The following GRM7 variants were observed in gnomAD, a reference collection of about 807,000 sequenced individuals.
GRM7 encodes the protein metabotropic glutamate receptor 7.
In GRM7, 35 loss-of-function variants were observed where a neutral mutation model predicts 84.5. The observed-to-expected ratio is 0.41, with a 90% CI of 0.32 to 0.55. The LOEUF (loss-of-function observed/expected upper bound fraction) is 0.55. Ranked by LOEUF, GRM7 falls within the 20% of genes least tolerant of loss-of-function variation. GRM7 has a pLI of 0.19. For missense variants in GRM7, 1,003 were observed against 1,194.6 expected, an observed-to-expected ratio of 0.84 and a Z score of 2.36; for synonymous variants, 487 against 455.1, an observed-to-expected ratio of 1.07 and a Z score of -0.89.
rs1553635845 is a variant in GRM7, at chr3:7,677,281, A to AAC, written c.2452-2767_2452-2766insCA. ...TGTCTTTAAAAAAAAAAAAAAAAAA[A>AAC]AAAAAAAAAAAAACTTACATATTAC... is the stretch of plus-strand genomic sequence containing the variant. On this transcript the variant is annotated intron_variant, in intron 8 of 9. Transcript: ENST00000357716. 9.1e-3 allele frequency among the ~76,000 whole-genome samples: 1,373 copies of AAC among 150,592 alleles called. 27 individuals are homozygous for AAC. Among genetic ancestry groups the AAC allele is most frequent in the African/African-American group, 0.031 (1,262 of 40,534 alleles).
intron 1 of GRM7, among the ~76,000 whole-genome samples, chr3:6,984,795 G>A (rs1694345467): frequency 6.6e-6 from 1 of 152,180 alleles, no homozygotes; most frequent in Non-Finnish European, 1.5e-5. Flanking sequence ...TGCAAGAAAA[G>A]TAAGGTCCTA....
At chr3:7,550,992 A>G (rs1008027693) in intron 7 of GRM7, among the ~76,000 whole-genome samples, 1 of 152,180 alleles carries the variant, frequency 6.6e-6, no homozygotes, top group Admixed American at 6.5e-5. Flanking sequence ...TCATCTTCCT[A>G]TGGGTTAGTT....
chr3:6,981,328 G>C (rs1429342617), intron 1 of GRM7, among the ~76,000 whole-genome samples: 1 of 152,152 alleles, frequency 6.6e-6, no homozygotes, highest in Non-Finnish European at 1.5e-5. Flanking sequence ...CAACTTGTGG[G>C]CTTTCTTTGG....
At chr3:7,312,928 CT>C (rs1156295885) in intron 4 of GRM7, among the ~76,000 whole-genome samples, 25 of 124,110 alleles carry the variant, frequency 2.0e-4, no homozygotes, top group Non-Finnish European at 2.9e-4. Flanking sequence ...CCTTTTTTTT[CT>C]TTTTTTCTTT....
intron 1 of GRM7, among the ~76,000 whole-genome samples, chr3:7,012,909 T>G (rs1461986655): frequency 6.6e-6 from 1 of 152,148 alleles, no homozygotes. Flanking sequence ...TCCAGCTAAT[T>G]TGTTATTTTT....
intron 1 of GRM7, among the ~76,000 whole-genome samples, chr3:7,065,368 A>G (rs1301736650): frequency 6.6e-6 from 1 of 151,928 alleles, no homozygotes; most frequent in Non-Finnish European, 1.5e-5. Flanking sequence ...AGTTTTGTAT[A>G]AGGTGAGAGA....
At chr3:7,126,839 G>C (rs1693418430) in intron 1 of GRM7, among the ~76,000 whole-genome samples, 1 of 152,032 alleles carries the variant, frequency 6.6e-6, no homozygotes, top group African/African-American at 2.4e-5. Context: ...GCTCACTGCT[G>C]TGATGTTTCT....
chr3:6,953,520 A>G (rs917337058), intron 1 of GRM7, among the ~76,000 whole-genome samples: 1 of 152,102 alleles, frequency 6.6e-6, no homozygotes, highest in Non-Finnish European at 1.5e-5. Context: ...CATGCCTCCA[A>G]CTCTGATGCT....
intron 1 of GRM7, among the ~76,000 whole-genome samples, chr3:6,873,518 A>G (rs963064022): frequency 1.3e-5 from 2 of 152,176 alleles, no homozygotes; most frequent in Non-Finnish European, 2.9e-5. Context: ...ACTATCCCCA[A>G]TGGTGAAATA....
intron 7 of GRM7, among the ~76,000 whole-genome samples, chr3:7,468,473 A>T (rs1046015588): frequency 5.3e-5 from 8 of 152,220 alleles, no homozygotes; most frequent in African/African-American, 1.2e-4. Context: ...TTAGCATTAC[A>T]TATTAATAAA....
At chr3:7,381,163 A>G (rs1028397614) in intron 4 of GRM7, among the ~76,000 whole-genome samples, 8 of 151,388 alleles carry the variant, frequency 5.3e-5, no homozygotes, top group Non-Finnish European at 1.2e-4. Context: ...TTATTTAGTT[A>G]GTTTTTTTTT....
At chr3:7,238,285 T>C (rs1244871011) in intron 2 of GRM7, among the ~76,000 whole-genome samples, 1 of 152,174 alleles carries the variant, frequency 6.6e-6, no homozygotes, top group Non-Finnish European at 1.5e-5. Flanking sequence ...GTTATTTCTA[T>C]TCTAGGTTCA....
chr3:7,056,019 A>G (rs1697207076), intron 1 of GRM7, among the ~76,000 whole-genome samples: 1 of 151,932 alleles, frequency 6.6e-6, no homozygotes. Flanking sequence ...TTACAAATTC[A>G]CAGTTTATTG....
intron 1 of GRM7, among the ~76,000 whole-genome samples, chr3:7,058,763 G>A (rs538807840): frequency 6.6e-6 from 1 of 151,952 alleles, no homozygotes; most frequent in Admixed American, 6.6e-5. Context: ...TTACTGCTGT[G>A]TCTGGTTTCC....
At chr3:7,693,388 C>T (rs9870224) in intron 9 of GRM7, among the ~76,000 whole-genome samples, 21,310 of 151,760 alleles carry the variant, frequency 0.14, 2,349 homozygotes, top group African/African-American at 0.3. Context: ...ATCACCTGCT[C>T]CTCTCTCTGC....
chr3:7,506,096 T>G (rs924913461), intron 7 of GRM7, among the ~76,000 whole-genome samples: 4 of 152,188 alleles, frequency 2.6e-5, no homozygotes. Flanking sequence ...GGTTTGTAGC[T>G]TAGCTATTTT....
intron 4 of GRM7, among the ~76,000 whole-genome samples, chr3:7,325,622 A>C (rs926677552): frequency 7.9e-5 from 12 of 152,198 alleles, no homozygotes; most frequent in African/African-American, 2.7e-4. Flanking sequence ...AAAGGAGACC[A>C]GCGGAGTACC....
intron 7 of GRM7, among the ~76,000 whole-genome samples, chr3:7,495,956 T>G (rs2124957197): frequency 6.6e-6 from 1 of 152,286 alleles, no homozygotes; most frequent in African/African-American, 2.4e-5. Flanking sequence ...GAAAAATGGG[T>G]CTATGTCCAC....
intron 9 of GRM7, chr3:7,686,527 T>C: frequency 1.5e-6 from 1 of 686,660 alleles, no homozygotes; most frequent in Non-Finnish European, 2.7e-6. Flanking sequence ...ATGGAAACTG[T>C]GCATGATTAC....
Sources: allele counts gnomAD v4.1 joint callset (sites outside exome capture counted in the v4.1 genomes callset), GRCh38; gene constraint gnomAD v4.1.1; transcripts MANE v1.5; gene names NCBI Gene and HGNC (gene_info 2026-07-23, HGNC 2026-07-21).